QARS1: variants seen among roughly 807,000 people sequenced by gnomAD.
QARS1 encodes the protein glutaminyl-tRNA synthetase 1.
A neutral mutation model predicts 106.9 loss-of-function variants in QARS1; 79 were observed. The ratio of observed to expected loss-of-function variants is 0.74; its 90% CI spans 0.62 to 0.89. QARS1 has a LOEUF of 0.89. QARS1 is among the 40% of genes least tolerant of loss of function. The pLI, the probability that QARS1 is intolerant of heterozygous loss-of-function variation, is 0.00. For synonymous variants in QARS1, 395 were observed against 367.7 expected (o/e 1.07, Z -0.85); for missense variants, 966 against 997.2 (o/e 0.97, Z 0.42).
At chr3:49,100,359 A>G (rs575721957) in intron 12 of QARS1, 21 bp downstream of exon 12, 1 of 1,614,194 alleles carries the variant, frequency 6.2e-7, no homozygotes, top group South Asian at 1.1e-5. Context: ...GCCTGGCTCT[A>G]CGTCATGGCC....
chr3:49,100,882 C>T (rs1014716598), intron 10 of QARS1: 2 of 672,464 alleles, frequency 3.0e-6, no homozygotes, highest in Admixed American at 2.1e-5. Flanking sequence ...GCTGAAACTA[C>T]AAGCGTGTGC....
Position 49,104,456 on chromosome 3 carries a change from C to T in QARS1, c.133G>A (p.Gly45Ser). The T allele has an allele frequency of 6.2e-7, 1 of 1,614,114 alleles. No homozygotes were observed. The highest frequency in any genetic ancestry group is 8.5e-7 in the Non-Finnish European group (1 of 1,180,032). Residue 45 changes from glycine (G) to serine (S), a missense_variant, in exon 2 of 24, where the codon GGT (glycine) becomes AGT (serine). Transcript: ENST00000306125. Reference protein sequence around the residue: ...EAATQAQQTLGSTIDKATGIL... With the variant: ...EAATQAQQTLSSTIDKATGIL... Reference sequence around the variant, plus strand: ...CCGGTAGCTTTGTCAATGGTGGAACCCAGGGTCTGCTGAGCCTGAGGTCAG... The same window carrying T: ...CCGGTAGCTTTGTCAATGGTGGAACTCAGGGTCTGCTGAGCCTGAGGTCAG...
At chr3:49,096,904 G>C (rs1378218529) in intron 23 of QARS1, among the ~76,000 whole-genome samples, 1 of 148,308 alleles carries the variant, frequency 6.7e-6, no homozygotes, top group Non-Finnish European at 1.5e-5. Context: ...AGAATGGCTT[G>C]AGCCTGGGAG....
chr3:49,097,744 C>T (rs757248184), intron 23 of QARS1, among the ~76,000 whole-genome samples: 4 of 151,868 alleles, frequency 2.6e-5, no homozygotes, highest in South Asian at 2.1e-4. Context: ...TGCAGTGAGC[C>T]GAGATGGTGC....
At position 49,104,455 on chromosome 3, in the gene QARS1, C is replaced by A. The variant is rs587777331; in HGVS notation, c.134G>T (p.Gly45Val). Residue 45 changes from glycine to valine, a missense_variant, in exon 2 of 24, where the codon GGT becomes GTT. Physicochemically the swap from Gly to Val is moderately radical, Grantham distance 109 (BLOSUM62 -3). Transcript: ENST00000306125. ...EAATQAQQTL[G>V]STIDKATGIL... ...CCCGGTAGCTTTGTCAATGGTGGAA[C>A]CCAGGGTCTGCTGAGCCTGAGGTCA... 130 of 1,614,008 alleles carry A rather than the reference C, an allele frequency of 8.1e-5. No homozygotes were observed. The highest frequency in any genetic ancestry group is 9.9e-5 in the Non-Finnish European group (117 of 1,180,040).
At position 49,103,684 on chromosome 3, in the gene QARS1, T is replaced by A; in HGVS notation, c.398A>T (p.His133Leu). 1.2e-6 allele frequency: 2 copies of A among 1,613,672 alleles called. No homozygotes were observed. The highest frequency in any genetic ancestry group is 1.7e-6 in the Non-Finnish European group (2 of 1,179,872). Reference sequence around the variant, plus strand: ...ACGTTCCACCAGGAGCTGGGGCCGGTGCCTGTTAATAGCAGCCTCCACCTG... The same window carrying A: ...ACGTTCCACCAGGAGCTGGGGCCGGAGCCTGTTAATAGCAGCCTCCACCTG... ...EEAVEAAINRHRPQLLVERYH... is the reference protein window; with the variant it reads ...EEAVEAAINRLRPQLLVERYH... Residue 133 changes from histidine to leucine, a missense_variant, in exon 4 of 24, where the codon CAC (histidine) becomes CTC (leucine). Physicochemically the swap from His to Leu is moderately conservative, Grantham distance 99 (BLOSUM62 -3). Transcript: ENST00000306125.
rs753051563 is a variant in QARS1, at chr3:49,104,666, G to C, written c.68C>G (p.Thr23Arg). 1 of 1,609,782 alleles carries C rather than the reference G, an allele frequency of 6.2e-7. No individual in the cohort carries two copies. Among genetic ancestry groups the C allele is most frequent in the African/African-American group, 1.3e-5 (1 of 74,878 alleles). Residue 23 changes from threonine to arginine, a missense_variant, in exon 1 of 24, where the codon ACG becomes AGG. Coordinates refer to ENST00000306125, the MANE Select transcript of QARS1 (RefSeq NM_005051.3). ...LGLSEQKARE[T>R]LKNSALSAQL... ...CGCGCTCAGAGCCGAGTTCTTGAGCGTCTCGCGGGCCTTCTGCTCGCTCAG... is the reference window on the plus strand; with the variant it reads ...CGCGCTCAGAGCCGAGTTCTTGAGCCTCTCGCGGGCCTTCTGCTCGCTCAG...
chr3:49,103,475 A>G, intron 4 of QARS1, 66 bp from the exon 5 acceptor site: 1 of 1,598,878 alleles, frequency 6.3e-7, no homozygotes, highest in Non-Finnish European at 8.6e-7. Flanking sequence ...CTCTTTCCCA[A>G]GGAAAGGTCC....
chr3:49,099,781 G>A lies in QARS1; in HGVS notation c.1368C>T (p.Cys456=). The change falls in exon 15 of 24, where the codon TGC becomes TGT. Residue 456 remains cysteine, a synonymous_variant. Transcript: ENST00000306125. ...CTCACCGGGCCTGGAATTCCTTGGT[G>A]CAGAGTGAGTGAGTGATGTGCTCGA... ...DSIEHITHSL[C]TKEFQARRSS... The A allele has an allele frequency of 6.2e-7, 1 of 1,614,068 alleles. No individual in the cohort carries two copies. Among genetic ancestry groups the A allele is most frequent in the Non-Finnish European group, 8.5e-7 (1 of 1,180,014 alleles).
chr3:49,102,107 T>G (rs1466245724), intron 7 of QARS1, 98 bp downstream of exon 7: 1 of 1,501,106 alleles, frequency 6.7e-7, no homozygotes, highest in Admixed American at 1.7e-5. Context: ...GTCAGGGTAC[T>G]GAGTAAGCCA....
In QARS1 at chr3:49,099,840, T is replaced by A. The variant is rs2042443898; in HGVS notation, c.1309A>T (p.Thr437Ser). Residue 437 changes from threonine to serine, a missense_variant, in exon 15 of 24, where the codon ACC (threonine) becomes TCC (serine). Transcript: ENST00000306125. Reference protein sequence around the residue: ...RTGDKWCIYPTYDYTHCLCDS... With the variant: ...RTGDKWCIYPSYDYTHCLCDS... ...CAGAGGCAGTGTGTGTAGTCGTAGG[T>A]GGGATAGATGCACCTGTGGGGCATA... is the stretch of plus-strand genomic sequence containing the variant. The A allele has an allele frequency of 6.2e-7, 1 of 1,613,906 alleles. No homozygotes were observed. Among genetic ancestry groups the A allele is most frequent in the South Asian group, 1.1e-5 (1 of 91,080 alleles).
Position 49,100,274 on chromosome 3 carries a change from C to A in QARS1, c.1080G>T (p.Gln360His). 3 of 1,614,268 alleles carry A rather than the reference C, an allele frequency of 1.9e-6. No homozygotes were observed. The highest frequency in any genetic ancestry group is 2.5e-6 in the Non-Finnish European group (3 of 1,180,048). ...TATGGCCTTTGAGCTCCTCTCCTCG[C>A]TGGTGGCACACATAAGCCAGACCCC... Reference protein sequence around the residue: ...IRRGLAYVCHQRGEELKGHNT... With the variant: ...IRRGLAYVCHHRGEELKGHNT... The change falls in exon 13 of 24, where the codon CAG (glutamine) becomes CAT (histidine). Residue 360 changes from glutamine to histidine, a missense_variant. Physicochemically the swap from Gln to His is conservative, Grantham distance 24 (BLOSUM62 0). Coordinates refer to ENST00000306125, the MANE Select transcript of QARS1 (RefSeq NM_005051.3).
At chr3:49,099,695 A>G in intron 15 of QARS1, 48 bp from the exon 16 acceptor site, 3 of 1,613,024 alleles carry the variant, frequency 1.9e-6, no homozygotes, top group Non-Finnish European at 2.5e-6. Context: ...GGAACCAGGC[A>G]GAGACCACAG....
chr3:49,101,582 T>A, intron 9 of QARS1, 38 bp downstream of exon 9: 1 of 1,610,404 alleles, frequency 6.2e-7, no homozygotes, highest in Non-Finnish European at 8.5e-7. Context: ...AGGCAGGTGT[T>A]TGATGGCACA....
At chr3:49,096,842 G>A (rs1165742159) in intron 23 of QARS1, among the ~76,000 whole-genome samples, 6 of 92,438 alleles carry the variant, frequency 6.5e-5, no homozygotes, top group South Asian at 4.9e-4. Flanking sequence ...AAAATTTGCC[G>A]GGCGTGGTAG....
chr3:49,100,025 C>T lies in QARS1; in HGVS notation c.1231G>A (p.Gly411Ser), dbSNP rs765950058. The change falls in exon 14 of 24, where the codon GGC (glycine) becomes AGC (serine). Residue 411 changes from glycine to serine, a missense_variant. Coordinates refer to ENST00000306125, the MANE Select transcript of QARS1 (RefSeq NM_005051.3). ...TLRMKLVMEDGKMDPVAYRVK... is the reference protein window; with the variant it reads ...TLRMKLVMEDSKMDPVAYRVK... ...CGATAGGCTACAGGGTCCATCTTGC[C>T]ATCCTCCATCACCAGCTTCATCCGT... The T allele has an allele frequency of 5.0e-6, 8 of 1,614,106 alleles. No individual in the cohort carries two copies. The highest frequency in any genetic ancestry group is 6.8e-6 in the Non-Finnish European group (8 of 1,180,044).
intron 5 of QARS1, chr3:49,102,691 G>C: frequency 1.6e-6 from 1 of 625,266 alleles, no homozygotes; most frequent in Non-Finnish European, 3.0e-6. Context: ...GCCCAGGCTG[G>C]AATGCAATGG....
chr3:49,098,628 T>C lies in QARS1; in HGVS notation c.1928A>G (p.Tyr643Cys), dbSNP rs1396216642. ...GACAACATGCTGCAGCTCAATGACG[T>C]AGCCTGTATGCCTCAGGCCCACAGG... ...GQPVGLRHTG[Y>C]VIELQHVVKG... The change falls in exon 20 of 24, where the codon TAC (tyrosine) becomes TGC (cysteine). Residue 643 changes from tyrosine to cysteine, a missense_variant. Tyr to Cys is a radical substitution (Grantham distance 194). Transcript: ENST00000306125. 1.1e-5 allele frequency: 17 copies of C among 1,612,042 alleles called. No individual in the cohort carries two copies. The East Asian group carries it at 3.6e-4, about 34-fold the overall frequency.
chr3:49,097,295 A>G (rs2042404999), intron 23 of QARS1: 1 of 151,988 alleles, frequency 6.6e-6, no homozygotes, highest in African/African-American at 2.4e-5. Flanking sequence ...TCTCTAAAAT[A>G]AATAAAAAGA....
Sources: allele counts gnomAD v4.1 joint callset (sites outside exome capture counted in the v4.1 genomes callset), GRCh38; gene constraint gnomAD v4.1.1; transcripts MANE v1.5; gene names NCBI Gene and HGNC (gene_info 2026-07-23, HGNC 2026-07-21).